Variants in SPMAP2L observed in about 807,000 individuals in gnomAD.
SPMAP2L encodes the protein sperm microtubule associated protein 2 like, also known as sperm microtubule associated protein 2-like.
the SPMAP2L span, chr4:56,552,540 A>G: frequency 9.6e-6 from 14 of 1,465,128 alleles, no homozygotes; most frequent in Admixed American, 2.0e-5. Context: ...ATCAGCTGCT[A>G]TTTGTTAGTT....
the SPMAP2L span, chr4:56,557,613 A>T: frequency 6.6e-6 from 1 of 152,236 alleles, no homozygotes; most frequent in Non-Finnish European, 1.5e-5. Flanking sequence ...TCTGAAACAG[A>T]CTAGAGTTTT....
chr4:56,534,627 C>T, the SPMAP2L span, among the ~76,000 whole-genome samples: 4 of 152,070 alleles, frequency 2.6e-5, no homozygotes, highest in Admixed American at 2.6e-4. Context: ...ATCAATTTGG[C>T]ATGTAAAACA....
the SPMAP2L span, chr4:56,593,242 C>T: frequency 5.0e-5 from 64 of 1,282,524 alleles, no homozygotes; most frequent in Middle Eastern, 2.0e-4. Context: ...CCAGTGCATC[C>T]CTGCTGGATG....
At chr4:56,569,593 C>T in the SPMAP2L span, among the ~76,000 whole-genome samples, 25 of 151,882 alleles carry the variant, frequency 1.6e-4, no homozygotes, top group African/African-American at 5.6e-4. Flanking sequence ...GTGGATCACT[C>T]GAGGTCAGGA....
chr4:56,576,786 A>G, the SPMAP2L span, among the ~76,000 whole-genome samples: 1 of 152,202 alleles, frequency 6.6e-6, no homozygotes, highest in Non-Finnish European at 1.5e-5. Flanking sequence ...AAATTTGGTA[A>G]TGTGTCTATA....
chr4:56,569,796 C>CA, the SPMAP2L span, among the ~76,000 whole-genome samples: 3 of 150,634 alleles, frequency 2.0e-5, no homozygotes, highest in Admixed American at 6.6e-5. Flanking sequence ...GACCCTGTCT[C>CA]AAAAAAAAAG....
the SPMAP2L span, among the ~76,000 whole-genome samples, chr4:56,623,855 A>G: frequency 6.6e-6 from 1 of 152,184 alleles, no homozygotes; most frequent in Admixed American, 6.5e-5. Flanking sequence ...TGTTTTTATC[A>G]GCAGCATGAA....
chr4:56,559,354 A>ATTTT, the SPMAP2L span: 1 of 1,153,072 alleles, frequency 8.7e-7, no homozygotes, highest in Non-Finnish European at 1.1e-6. Context: ...CTAGCAATCA[A>ATTTT]TTTTTTTTTA....
chr4:56,594,038 C>T, the SPMAP2L span: 51 of 1,611,208 alleles, frequency 3.2e-5, no homozygotes, highest in African/African-American at 4.0e-5. Context: ...GATCAATTTT[C>T]GGCTTTTTGA....
At chr4:56,618,393 C>T in the SPMAP2L span, among the ~76,000 whole-genome samples, 15 of 152,288 alleles carry the variant, frequency 9.8e-5, no homozygotes, top group African/African-American at 2.4e-4. Flanking sequence ...TTATTTCTCA[C>T]GCTGCTAATG....
chr4:56,601,013 A>C, the SPMAP2L span: 1 of 1,535,462 alleles, frequency 6.5e-7, no homozygotes, highest in Non-Finnish European at 8.7e-7. Flanking sequence ...CATCAAGATT[A>C]TCTACCTGAC....
At chr4:56,531,287 A>T in the SPMAP2L span, 1 of 1,325,722 alleles carries the variant, frequency 7.5e-7, no homozygotes, top group Non-Finnish European at 1.0e-6. Context: ...TTTGCATGCA[A>T]GAGCTTGCCA....
the SPMAP2L span, among the ~76,000 whole-genome samples, chr4:56,551,049 G>A: frequency 6.6e-5 from 10 of 151,936 alleles, no homozygotes; most frequent in Non-Finnish European, 1.0e-4. Flanking sequence ...CTCCTCCCAC[G>A]GTGCATCAAT....
chr4:56,617,520 A>G, the SPMAP2L span, among the ~76,000 whole-genome samples: 4 of 152,196 alleles, frequency 2.6e-5, no homozygotes, highest in Non-Finnish European at 5.9e-5. Context: ...TCAGTGCCCC[A>G]CTGCTCAAAC....
At chr4:56,540,009 G>A in the SPMAP2L span, among the ~76,000 whole-genome samples, 1 of 152,162 alleles carries the variant, frequency 6.6e-6, no homozygotes, top group Non-Finnish European at 1.5e-5. Context: ...AATGGGTAAA[G>A]TCAGCATAAA....
At chr4:56,548,931 G>A in the SPMAP2L span, 1 of 566,344 alleles carries the variant, frequency 1.8e-6, no homozygotes, top group South Asian at 5.8e-5. Context: ...TTTCAAAAAG[G>A]ACATTCCTAG....
chr4:56,557,065 G>A, the SPMAP2L span, among the ~76,000 whole-genome samples: 1 of 150,640 alleles, frequency 6.6e-6, no homozygotes, highest in Admixed American at 6.6e-5. Context: ...CCTGGCCAAC[G>A]TAGTGAAACC....
chr4:56,553,698 A>G, the SPMAP2L span, among the ~76,000 whole-genome samples: 1 of 152,112 alleles, frequency 6.6e-6, no homozygotes, highest in Non-Finnish European at 1.5e-5. Context: ...ATTAAAGCCT[A>G]TGGTTTACAT....
At chr4:56,573,017 A>AG in the SPMAP2L span, among the ~76,000 whole-genome samples, 1 of 105,252 alleles carries the variant, frequency 9.5e-6, no homozygotes, top group African/African-American at 4.4e-5. Flanking sequence ...CTCTATCTCC[A>AG]AAAAAAAAAA....
Sources: allele counts gnomAD v4.1 joint callset (sites outside exome capture counted in the v4.1 genomes callset), GRCh38; gene constraint gnomAD v4.1.1; transcripts MANE v1.5; gene names NCBI Gene and HGNC (gene_info 2026-07-23, HGNC 2026-07-21).